The following GLIS3 variants were observed in gnomAD, a reference collection of about 807,000 sequenced individuals.
GLIS3 encodes the protein GLIS family zinc finger 3.
Under a neutral mutation model 78.6 loss-of-function variants are expected in GLIS3, and 53 were observed. The observed-to-expected ratio is 0.67, with a 90% CI of 0.54 to 0.85. The LOEUF (loss-of-function observed/expected upper bound fraction) is 0.85, where lower values mean the gene tolerates loss of function less well. Among genes scored for constraint, GLIS3 ranks in the 40% least tolerant of loss-of-function variants. The pLI, the probability that GLIS3 is intolerant of heterozygous loss-of-function variation, is 0.00. For missense variants in GLIS3, 1,703 were observed against 1,231.1 expected (o/e 1.38, Z -5.74); for synonymous variants, 684 against 509.9 (o/e 1.34, Z -4.60).
chr9:4,051,420 C>G (rs984309782), intron 4 of GLIS3, among the ~76,000 whole-genome samples: 1 of 152,078 alleles, frequency 6.6e-6, no homozygotes, highest in Non-Finnish European at 1.5e-5. Flanking sequence ...CTAAGACAGT[C>G]GGGTATAGAG....
intron 2 of GLIS3, among the ~76,000 whole-genome samples, chr9:4,167,977 G>A (rs907654883): frequency 1.1e-4 from 16 of 152,194 alleles, no homozygotes; most frequent in African/African-American, 3.6e-4. Context: ...CAGCTGCAAG[G>A]AGGCAAGGAA....
chr9:3,908,492 A>T (rs1035049260), intron 6 of GLIS3, among the ~76,000 whole-genome samples: 2 of 152,162 alleles, frequency 1.3e-5, no homozygotes, highest in African/African-American at 2.4e-5. Context: ...CAACCTATCC[A>T]GTTGCAAGTA....
At chr9:4,421,138 G>A in the GLIS3 span, among the ~76,000 whole-genome samples, 3 of 152,172 alleles carry the variant, frequency 2.0e-5, no homozygotes, top group South Asian at 6.2e-4. Context: ...AAAGCACTGT[G>A]AAAGCAATAA....
Position 4,118,359 on chromosome 9 carries a change from C to T in GLIS3, c.1119G>A (p.Leu373=). ...RPVPGSQKGV[L]VAPGGLALPA... Reference sequence around the variant, plus strand: ...GCAGCGCCAGGCCTCCAGGGGCCACCAGCACGCCCTTCTGGCTGCCGGGCA... The same window carrying T: ...GCAGCGCCAGGCCTCCAGGGGCCACTAGCACGCCCTTCTGGCTGCCGGGCA... The change falls in exon 4 of 11, where the codon CTG becomes CTA. Residue 373 remains leucine, a synonymous_variant. Coordinates refer to ENST00000381971, the MANE Select transcript of GLIS3 (RefSeq NM_001042413.2). The surrounding 1 kb of genome is among the most constrained non-coding windows in gnomAD (Gnocchi z 4.7). The T allele has an allele frequency of 6.3e-7, 1 of 1,587,076 alleles. No homozygotes were observed. The highest frequency in any genetic ancestry group is 8.5e-7 in the Non-Finnish European group (1 of 1,170,502).
intron 2 of GLIS3, among the ~76,000 whole-genome samples, chr9:4,164,775 T>G (rs1193959018): frequency 1.3e-5 from 2 of 152,058 alleles, no homozygotes; most frequent in Admixed American, 1.3e-4. Context: ...AGAATGAAAA[T>G]GAATAGATCA....
intron 2 of GLIS3, among the ~76,000 whole-genome samples, chr9:4,188,244 A>G (rs1423135729): frequency 1.3e-5 from 2 of 151,418 alleles, no homozygotes; most frequent in African/African-American, 2.4e-5. Context: ...TTCTGCATCT[A>G]TTGAGATAAT....
intron 4 of GLIS3, among the ~76,000 whole-genome samples, chr9:3,984,208 C>T: frequency 6.6e-6 from 1 of 152,202 alleles, no homozygotes; most frequent in Admixed American, 6.5e-5. Context: ...CCTCCAGACC[C>T]CAGACTGGTA....
chr9:4,237,500 C>G (rs1043739236), intron 2 of GLIS3, among the ~76,000 whole-genome samples: 7 of 152,230 alleles, frequency 4.6e-5, no homozygotes, highest in African/African-American at 1.7e-4. Context: ...GCTCAGTCTA[C>G]TGAGCCCTAG....
chr9:3,921,732 A>C (rs532876582), intron 6 of GLIS3, among the ~76,000 whole-genome samples: 2 of 152,308 alleles, frequency 1.3e-5, no homozygotes, highest in African/African-American at 4.8e-5. Flanking sequence ...TATTTATGAC[A>C]ATTAACTAGT....
intron 2 of GLIS3, among the ~76,000 whole-genome samples, chr9:4,262,637 G>C (rs943380249): frequency 6.6e-6 from 1 of 151,982 alleles, no homozygotes; most frequent in Admixed American, 6.6e-5. Flanking sequence ...ATGAGAAGGT[G>C]GTATTTTTAT....
intron 4 of GLIS3, among the ~76,000 whole-genome samples, chr9:4,033,488 G>A (rs1452038089): frequency 3.3e-5 from 5 of 152,110 alleles, no homozygotes; most frequent in South Asian, 4.2e-4. Context: ...CTTCCTGGAC[G>A]TGCAGACTCC....
chr9:3,841,593 C>G (rs904735997), intron 9 of GLIS3, among the ~76,000 whole-genome samples: 20 of 152,276 alleles, frequency 1.3e-4, no homozygotes, highest in African/African-American at 4.6e-4. Flanking sequence ...CCCTATAACT[C>G]AAAATTCCTG....
At chr9:3,942,009 G>C (rs532755) in intron 4 of GLIS3, among the ~76,000 whole-genome samples, 40,742 of 151,968 alleles carry the variant, frequency 0.27, 5,666 homozygotes, top group African/African-American at 0.32. Context: ...AAAATGAAAG[G>C]CTCATTAGAC....
chr9:3,951,882 A>ACACACACACACACG (rs756794557), intron 4 of GLIS3, among the ~76,000 whole-genome samples: 8 of 147,414 alleles, frequency 5.4e-5, no homozygotes, highest in South Asian at 2.1e-4. Flanking sequence ...ACACACACAC[A>ACACACACACACACG]CACGCACGCA....
intron 10 of GLIS3, 136 bp from the exon 11 acceptor site, chr9:3,828,544 G>A (rs1425994428): frequency 9.2e-7 from 1 of 1,089,608 alleles, no homozygotes; most frequent in Non-Finnish European, 1.4e-6. Context: ...GGGCCCTATA[G>A]TGAGTCTCTG....
At chr9:4,033,512 A>T (rs754763724) in intron 4 of GLIS3, among the ~76,000 whole-genome samples, 33 of 152,248 alleles carry the variant, frequency 2.2e-4, no homozygotes, top group Admixed American at 1.3e-4. Flanking sequence ...TCCCATGGGG[A>T]AAAGAGAAGA....
At chr9:3,867,726 TGTGCGTGCG>T (rs1820685242) in intron 8 of GLIS3, among the ~76,000 whole-genome samples, 1 of 26,250 alleles carries the variant, frequency 3.8e-5, no homozygotes, top group Non-Finnish European at 8.1e-5. Flanking sequence ...TGTGTGTGTG[TGTGCGTGCG>T]TGTGTGTGTG....
chr9:3,936,842 C>T (rs1322576595), intron 5 of GLIS3, among the ~76,000 whole-genome samples, 186 bp downstream of exon 5: 2 of 152,200 alleles, frequency 1.3e-5, no homozygotes, highest in Non-Finnish European at 2.9e-5. Context: ...ACTGCTGCTA[C>T]AGAAAAATGA....
At chr9:3,909,181 G>GT (rs1434126455) in intron 6 of GLIS3, among the ~76,000 whole-genome samples, 6 of 152,216 alleles carry the variant, frequency 3.9e-5, no homozygotes, top group African/African-American at 1.4e-4. Context: ...CTCATCAAGT[G>GT]TTCTCTGTGA....
Sources: allele counts gnomAD v4.1 joint callset (sites outside exome capture counted in the v4.1 genomes callset), GRCh38; gene constraint gnomAD v4.1.1; non-coding constraint Gnocchi (gnomAD v3.1); transcripts MANE v1.5; gene names NCBI Gene and HGNC (gene_info 2026-07-23, HGNC 2026-07-21).